The following ATF6 variants were observed in gnomAD, a reference collection of about 807,000 sequenced individuals.
ATF6 encodes the protein activating transcription factor 6.
In ATF6, 53 loss-of-function variants were observed where a neutral mutation model predicts 83.6. The ratio of observed to expected loss-of-function variants is 0.63; its 90% CI spans 0.51 to 0.80. The LOEUF is 0.80. Ranked by LOEUF, ATF6 falls within the 30% of genes least tolerant of loss-of-function variation. ATF6 has a pLI of 0.00. For synonymous variants in ATF6, 288 were observed against 285.8 expected, an observed-to-expected ratio of 1.01 and a Z score of -0.08; for missense variants, 744 against 797.9, an observed-to-expected ratio of 0.93 and a Z score of 0.81.
At chr1:161,768,426 A>G (rs76299381) in intron 1 of ATF6, among the ~76,000 whole-genome samples, 3,921 of 152,232 alleles carry the variant, frequency 0.026, 86 homozygotes, top group African/African-American at 0.057. Context: ...CTTTAATTTA[A>G]TTCCTTAGGT....
At chr1:161,828,514 G>T (rs1307044245) in intron 9 of ATF6, among the ~76,000 whole-genome samples, 1 of 152,090 alleles carries the variant, frequency 6.6e-6, no homozygotes, top group Non-Finnish European at 1.5e-5. Context: ...TCACAACTGA[G>T]GCCTCCCTTT....
intron 15 of ATF6, among the ~76,000 whole-genome samples, chr1:161,953,176 CTTTATA>C (rs1045413364): frequency 3.3e-5 from 5 of 152,016 alleles, no homozygotes; most frequent in East Asian, 1.9e-4. Context: ...TGTAAAAGTA[CTTTATA>C]TTTAAATTTA....
chr1:161,785,831 T>TC (rs1215522268), intron 4 of ATF6, among the ~76,000 whole-genome samples: 1 of 152,216 alleles, frequency 6.6e-6, no homozygotes, highest in African/African-American at 2.4e-5. Flanking sequence ...GGGCCTGTTT[T>TC]CCCATCATCA....
rs7552449 is a variant in ATF6, at chr1:161,909,727, C to T, written c.1720-2569C>T. Among the ~76,000 whole-genome samples the T allele has an allele frequency of 3.8e-3, 577 of 152,058 alleles. 6 individuals carry two copies. Among genetic ancestry groups the T allele is most frequent in the African/African-American group, 0.013 (530 of 41,464 alleles). On this transcript the variant is annotated intron_variant, in intron 14 of 15. Transcript: ENST00000367942. The stretch of plus-strand genomic sequence containing the variant: ...ATCCCAGCACTTTGGGAGGCCGAGG[C>T]GGGCAGATCACGAGGTCAGGAGATC...
chr1:161,924,706 A>C (rs1688276412), intron 15 of ATF6, among the ~76,000 whole-genome samples: 1 of 152,230 alleles, frequency 6.6e-6, no homozygotes, highest in South Asian at 2.1e-4. Flanking sequence ...GTTTCTTTGA[A>C]GATACCTAGG....
At chr1:161,772,975 T>A (rs1393809798) in intron 1 of ATF6, among the ~76,000 whole-genome samples, 4 of 146,648 alleles carry the variant, frequency 2.7e-5, no homozygotes, top group Non-Finnish European at 6.0e-5. Flanking sequence ...TTTTTTTTTT[T>A]TTTTTTTTTT....
intron 15 of ATF6, among the ~76,000 whole-genome samples, chr1:161,956,868 A>G (rs1409618014): frequency 2.0e-5 from 3 of 152,224 alleles, no homozygotes; most frequent in Non-Finnish European, 4.4e-5. Flanking sequence ...CTGTCTAATA[A>G]TTTTTAACTC....
intron 2 of ATF6, among the ~76,000 whole-genome samples, chr1:161,781,711 G>A (rs561907910): frequency 3.3e-5 from 5 of 152,280 alleles, no homozygotes; most frequent in Admixed American, 2.6e-4. Context: ...AGTTGTTGCT[G>A]CTGTGCTTCA....
At chr1:161,923,845 C>T (rs1688260490) in intron 15 of ATF6, among the ~76,000 whole-genome samples, 1 of 152,198 alleles carries the variant, frequency 6.6e-6, no homozygotes, top group African/African-American at 2.4e-5. Context: ...TGTTAGCTTT[C>T]AGTGAGATCA....
At chr1:161,801,996 T>C (rs1685160430) in intron 6 of ATF6, 56 bp from the exon 7 acceptor site, 5 of 1,561,626 alleles carry the variant, frequency 3.2e-6, no homozygotes, top group Non-Finnish European at 4.4e-6. Context: ...TATAAGCTGC[T>C]TCCCCTGCCA....
chr1:161,801,184 A>C (rs1184251164), intron 6 of ATF6, among the ~76,000 whole-genome samples: 1 of 152,076 alleles, frequency 6.6e-6, no homozygotes, highest in Non-Finnish European at 1.5e-5. Context: ...GATTAGCATA[A>C]ATTTAAAATA....
At chr1:161,832,881 C>T in intron 9 of ATF6, among the ~76,000 whole-genome samples, 1 of 152,312 alleles carries the variant, frequency 6.6e-6, no homozygotes, top group East Asian at 1.9e-4. Flanking sequence ...CTTAAATGTC[C>T]CTGTCTGACA....
intron 15 of ATF6, among the ~76,000 whole-genome samples, chr1:161,952,677 A>C (rs1306618460): frequency 2.0e-5 from 3 of 152,032 alleles, no homozygotes; most frequent in Non-Finnish European, 4.4e-5. Flanking sequence ...TTATATATAT[A>C]TAATATATCA....
chr1:161,927,727 C>A (rs973917874), intron 15 of ATF6, among the ~76,000 whole-genome samples: 4 of 152,062 alleles, frequency 2.6e-5, no homozygotes, highest in Non-Finnish European at 5.9e-5. Flanking sequence ...ACAGTGAGAT[C>A]TTTATATTAA....
At chr1:161,802,298 C>G (rs1277355032) in intron 7 of ATF6, 26 bp downstream of exon 7, 1 of 1,589,342 alleles carries the variant, frequency 6.3e-7, no homozygotes, top group Non-Finnish European at 8.6e-7. Context: ...TAGTGCTTCT[C>G]TTAATGCCTG....
chr1:161,772,136 C>T (rs1270615142), intron 1 of ATF6, among the ~76,000 whole-genome samples: 1 of 152,224 alleles, frequency 6.6e-6, no homozygotes, highest in African/African-American at 2.4e-5. Flanking sequence ...TCATTCTCTT[C>T]AGTTCATCAC....
At chr1:161,888,508 G>A (rs1457415532) in intron 14 of ATF6, among the ~76,000 whole-genome samples, 1 of 151,816 alleles carries the variant, frequency 6.6e-6, no homozygotes, top group Non-Finnish European at 1.5e-5. Flanking sequence ...CACCTCTTGG[G>A]GGAGGTTTAA....
intron 15 of ATF6, among the ~76,000 whole-genome samples, chr1:161,936,110 G>A (rs1398254616): frequency 6.6e-6 from 1 of 152,124 alleles, no homozygotes; most frequent in Non-Finnish European, 1.5e-5. Flanking sequence ...TTATGGTTTA[G>A]GTTCGAAGCA....
Position 161,959,519 on chromosome 1 carries a change from A to G in ATF6, c.*865A>G, listed in dbSNP as rs944491289. The G allele has an allele frequency of 6.6e-6, 1 of 151,854 alleles. No homozygotes were observed. The highest frequency in any genetic ancestry group is 1.5e-5 in the Non-Finnish European group (1 of 67,964). The allele number at this position is 151,854 out of a possible 1,614,324, so 9.4% of individuals were successfully genotyped here. ...CCCCGTCTCTACTAAAAATACAAAA[A>G]ATTAGCCGGGCGTAGTGACGGGCGC... On this transcript the variant is annotated 3_prime_UTR_variant, in exon 16 of 16. Coordinates refer to ENST00000367942, the MANE Select transcript of ATF6 (RefSeq NM_007348.4).
Sources: allele counts gnomAD v4.1 joint callset (sites outside exome capture counted in the v4.1 genomes callset), GRCh38; gene constraint gnomAD v4.1.1; transcripts MANE v1.5; gene names NCBI Gene and HGNC (gene_info 2026-07-23, HGNC 2026-07-21).